Variants in ABCC2 observed in about 807,000 individuals in gnomAD.
ABCC2 encodes the protein ATP binding cassette subfamily C member 2, also known as ATP-binding cassette sub-family C member 2.
ABCC2 carries 157 observed loss-of-function variants against 173.4 expected under a neutral mutation model. The ratio of observed to expected loss-of-function variants is 0.91; its 90% CI spans 0.80 to 1.03. The LOEUF is 1.03. Among genes scored for constraint, ABCC2 ranks in the 50% least tolerant of loss-of-function variants. The pLI, the probability that ABCC2 is intolerant of heterozygous loss-of-function variation, is 0.00. For missense variants in ABCC2, 1,822 were observed against 1,852.3 expected, an observed-to-expected ratio of 0.98 and a Z score of 0.30; for synonymous variants, 657 against 693.5, an observed-to-expected ratio of 0.95 and a Z score of 0.83.
chr10:99,800,276 A>C (rs965577548), intron 8 of ABCC2, 110 bp from the exon 9 acceptor site: 61 of 1,163,406 alleles, frequency 5.2e-5, no homozygotes, highest in African/African-American at 5.0e-4. Context: ...AATTCTGGTC[A>C]CTTTTGTTAC....
chr10:99,839,093 C>T lies in ABCC2; in HGVS notation c.3614+2803C>T, dbSNP rs1259575014. Among the ~76,000 whole-genome samples the T allele has an allele frequency of 2.2e-5, 3 of 139,048 alleles. No individual in the cohort carries two copies. The South Asian group carries it at 6.8e-4, about 32-fold the overall frequency. 91.2% of individuals were successfully genotyped at this position (139,048 alleles called of 152,430 possible). On this transcript the variant is annotated intron_variant, in intron 25 of 31. Transcript: ENST00000647814. ...GGCTGGCCGGGCAGGGGGGCAGACC[C>T]CCCCCCCACCTCCCTCCCGGACGGG...
chr10:99,815,502 G>C (rs964586383), intron 16 of ABCC2, among the ~76,000 whole-genome samples: 9 of 150,864 alleles, frequency 6.0e-5, no homozygotes, highest in African/African-American at 9.7e-5. Context: ...GGCTAATTAT[G>C]CTTTTTTTTT....
At chr10:99,791,695 G>T (rs1378423276) in intron 2 of ABCC2, among the ~76,000 whole-genome samples, 3 of 152,194 alleles carry the variant, frequency 2.0e-5, no homozygotes, top group African/African-American at 4.8e-5. Flanking sequence ...ATGGCTGGTG[G>T]CAGGAAGCCT....
chr10:99,851,228 T>G (rs1269005402), intron 31 of ABCC2, among the ~76,000 whole-genome samples: 1 of 152,244 alleles, frequency 6.6e-6, no homozygotes, highest in African/African-American at 2.4e-5. Context: ...ATAGGCACCC[T>G]TTGTAAACCA....
At chr10:99,848,224 T>C (rs572005540) in intron 30 of ABCC2, among the ~76,000 whole-genome samples, 5 of 152,382 alleles carry the variant, frequency 3.3e-5, no homozygotes, top group African/African-American at 1.2e-4. Flanking sequence ...GTAGGCACTG[T>C]TGAAACACCT....
intron 23 of ABCC2, among the ~76,000 whole-genome samples, chr10:99,833,748 G>A (rs896299287): frequency 6.6e-6 from 1 of 152,180 alleles, no homozygotes; most frequent in Non-Finnish European, 1.5e-5. Flanking sequence ...AAATTCCAGA[G>A]ATAACTTAAA....
Position 99,830,178 on chromosome 10 carries a change from C to G in ABCC2, c.2621-129C>G, listed in dbSNP as rs866473045. The stretch of plus-strand genomic sequence containing the variant: ...TGGAGTATTTATGGAGTAAAGTATT[C>G]CATGCTGTATGTACATCTGGGATCC... On this transcript the variant is annotated intron_variant, in intron 19 of 31. Transcript: ENST00000647814. 9.0e-5 allele frequency: 93 copies of G among 1,035,270 alleles called. No individual in the cohort carries two copies. The Middle Eastern group carries it at 4.2e-3, about 47-fold the overall frequency. The allele number at this position is 1,035,270 out of a possible 1,614,324, so 64.1% of individuals were successfully genotyped here. A position where few individuals can be genotyped will look rare whatever the true frequency, so the allele number is the denominator to read the frequency against.
intron 2 of ABCC2, among the ~76,000 whole-genome samples, chr10:99,789,733 GGA>G (rs2037782284): frequency 7.1e-6 from 1 of 140,318 alleles, no homozygotes; most frequent in African/African-American, 2.7e-5. Flanking sequence ...AAAAGAAAAA[GGA>G]AAAGAAAAAG....
At chr10:99,792,383 C>A in intron 3 of ABCC2, 24 bp downstream of exon 3, 1 of 1,613,188 alleles carries the variant, frequency 6.2e-7, no homozygotes, top group South Asian at 1.1e-5. Flanking sequence ...CACTTCTGCC[C>A]TGTTTACCTT....
chr10:99,830,973 A>G, intron 21 of ABCC2, 122 bp downstream of exon 21: 1 of 1,085,180 alleles, frequency 9.2e-7, no homozygotes, highest in South Asian at 1.3e-5. Context: ...TCCTTTGCAA[A>G]TCTTCAGACT....
At chr10:99,801,923 T>G (rs1003255529) in intron 9 of ABCC2, among the ~76,000 whole-genome samples, 1 of 152,184 alleles carries the variant, frequency 6.6e-6, no homozygotes, top group Non-Finnish European at 1.5e-5. Context: ...TCTAGTCAAG[T>G]CCTTTGAACT....
At chr10:99,828,535 G>A (rs1459674453) in intron 19 of ABCC2, among the ~76,000 whole-genome samples, 14 of 152,176 alleles carry the variant, frequency 9.2e-5, no homozygotes, top group South Asian at 8.3e-4. Flanking sequence ...AAGGCCTCTC[G>A]CCTAGTTTCC....
chr10:99,793,421 C>A, intron 3 of ABCC2, 130 bp from the exon 4 acceptor site: 1 of 1,364,224 alleles, frequency 7.3e-7, no homozygotes, highest in Non-Finnish European at 1.0e-6. Context: ...GTGCTCTCTA[C>A]CTGGCCAGAT....
chr10:99,836,460 T>A (rs1304285503), intron 25 of ABCC2, among the ~76,000 whole-genome samples, 170 bp downstream of exon 25: 1 of 152,210 alleles, frequency 6.6e-6, no homozygotes. Context: ...AGTCAGAGAC[T>A]GGGTCCCCAT....
intron 29 of ABCC2, 24 bp from the exon 30 acceptor site, chr10:99,846,937 G>T (rs1416239142): frequency 7.4e-6 from 12 of 1,613,778 alleles, no homozygotes; most frequent in Non-Finnish European, 1.0e-5. Context: ...AGCCCCAACA[G>T]CCCCCTTGTC....
rs1297910801 is a variant in ABCC2 at position 99,807,467 on chromosome 10, CT to C, written c.1617del (p.Phe539LeufsTer7). On this transcript the variant is annotated frameshift_variant, in exon 12 of 32. Transcript: ENST00000647814. LOFTEE classifies it high-confidence loss of function. ...AGAAAGAGCTCAAGAACCTGCTGGC[CT>C]TTAGTCAACTACAGTGTGTAGTAAT... is the stretch of plus-strand genomic sequence containing the variant. ...RKKELKNLLA[F>X]SQLQCVVIFV... 2.5e-6 allele frequency: 4 copies of C among 1,614,022 alleles called. No individual in the cohort carries two copies. Among genetic ancestry groups the C allele is most frequent in the Non-Finnish European group, 3.4e-6 (4 of 1,180,004 alleles).
At chr10:99,834,593 C>T (rs1296989424) in intron 24 of ABCC2, 58 bp downstream of exon 24, 3 of 1,572,206 alleles carry the variant, frequency 1.9e-6, no homozygotes, top group Non-Finnish European at 2.6e-6. Context: ...AAAGCCCAGC[C>T]TCTTTCCTGA....
chr10:99,843,665 C>A (rs2038976824), intron 26 of ABCC2, 134 bp from the exon 27 acceptor site: 1 of 815,380 alleles, frequency 1.2e-6, no homozygotes, highest in Non-Finnish European at 2.2e-6. Context: ...GTCTTTCTTA[C>A]ACTTTTCCTT....
intron 23 of ABCC2, among the ~76,000 whole-genome samples, chr10:99,834,172 C>T (rs1010385293): frequency 7.2e-5 from 11 of 152,234 alleles, no homozygotes; most frequent in South Asian, 2.1e-4. Context: ...GTGACCACCA[C>T]GCCAGGCCTA....
Sources: allele counts gnomAD v4.1 joint callset (sites outside exome capture counted in the v4.1 genomes callset), GRCh38; gene constraint gnomAD v4.1.1; transcripts MANE v1.5; gene names NCBI Gene and HGNC (gene_info 2026-07-23, HGNC 2026-07-21).